The following MAP3K1 variants were observed in gnomAD, a reference collection of about 807,000 sequenced individuals.
The protein encoded by MAP3K1 is MAP/ERK kinase kinase 1.
MAP3K1 carries 36 observed loss-of-function variants against 144.2 expected under a neutral mutation model. The ratio of observed to expected loss-of-function variants is 0.25; its 90% CI spans 0.19 to 0.33. MAP3K1 has a LOEUF of 0.33. Ranked by LOEUF, MAP3K1 falls within the 10% of genes least tolerant of loss-of-function variation. The pLI is 1.00. For missense variants in MAP3K1, 1,650 were observed against 1,881.9 expected, an observed-to-expected ratio of 0.88 and a Z score of 2.28; for synonymous variants, 718 against 688.7, an observed-to-expected ratio of 1.04 and a Z score of -0.67.
chr5:56,873,857 G>T (rs1747935659), intron 9 of MAP3K1, among the ~76,000 whole-genome samples: 1 of 151,890 alleles, frequency 6.6e-6, no homozygotes, highest in Admixed American at 6.6e-5. Flanking sequence ...AATAAAATCT[G>T]CAAAAATATT....
chr5:56,888,755 G>A (rs1484540411), intron 19 of MAP3K1, among the ~76,000 whole-genome samples: 2 of 152,158 alleles, frequency 1.3e-5, no homozygotes, highest in African/African-American at 4.8e-5. Context: ...CACATTCAAG[G>A]TAGGCCAGAC....
At chr5:56,829,246 A>T (rs1746413575) in intron 1 of MAP3K1, among the ~76,000 whole-genome samples, 1 of 151,230 alleles carries the variant, frequency 6.6e-6, no homozygotes, top group South Asian at 2.1e-4. Context: ...CAGTGACATG[A>T]TCATGACTCA....
intron 1 of MAP3K1, among the ~76,000 whole-genome samples, chr5:56,844,422 G>T (rs1253388146): frequency 6.6e-6 from 1 of 151,762 alleles, no homozygotes; most frequent in African/African-American, 2.4e-5. Flanking sequence ...CTCGTGATCC[G>T]CCCGCCTTGG....
At chr5:56,826,972 A>G (rs1055505620) in intron 1 of MAP3K1, among the ~76,000 whole-genome samples, 1 of 152,214 alleles carries the variant, frequency 6.6e-6, no homozygotes, top group Non-Finnish European at 1.5e-5. Flanking sequence ...GGGAGGCATC[A>G]GGAGGCTTTT....
chr5:56,881,360 G>T (rs1748200975), intron 13 of MAP3K1, 88 bp downstream of exon 13: 4 of 1,219,122 alleles, frequency 3.3e-6, no homozygotes, highest in East Asian at 4.8e-5. Flanking sequence ...ATTTTTGAAA[G>T]ACTCAGAGCA....
At chr5:56,863,016 C>A (rs1379068343) in intron 3 of MAP3K1, among the ~76,000 whole-genome samples, 2 of 152,196 alleles carry the variant, frequency 1.3e-5, no homozygotes, top group African/African-American at 2.4e-5. Flanking sequence ...TGTTTCTACA[C>A]CTGGAAATGA....
intron 2 of MAP3K1, among the ~76,000 whole-genome samples, chr5:56,857,307 T>C (rs1185110115): frequency 1.3e-5 from 2 of 151,994 alleles, no homozygotes; most frequent in Non-Finnish European, 2.9e-5. Context: ...ATGTGTGGGG[T>C]TTGATGAAAG....
At chr5:56,856,112 T>A (rs549139117) in intron 1 of MAP3K1, among the ~76,000 whole-genome samples, 6 of 152,322 alleles carry the variant, frequency 3.9e-5, no homozygotes, top group South Asian at 2.1e-4. Flanking sequence ...AAATAAAAAT[T>A]TAATCATGTA....
At chr5:56,831,129 C>CGGA (rs1746475199) in intron 1 of MAP3K1, among the ~76,000 whole-genome samples, 2 of 151,168 alleles carry the variant, frequency 1.3e-5, no homozygotes, top group African/African-American at 4.9e-5. Flanking sequence ...TTCTGCATTC[C>CGGA]AGTTCTGTCT....
chr5:56,845,959 T>C (rs1242430422), intron 1 of MAP3K1, among the ~76,000 whole-genome samples: 1 of 152,222 alleles, frequency 6.6e-6, no homozygotes, highest in Non-Finnish European at 1.5e-5. Context: ...CGCAGGGAGA[T>C]AGGTGAAAGA....
chr5:56,867,081 C>CTCAG (rs1458752273), intron 6 of MAP3K1, among the ~76,000 whole-genome samples: 20 of 152,272 alleles, frequency 1.3e-4, no homozygotes, highest in Admixed American at 1.1e-3. Context: ...TTCCTCCCAC[C>CTCAG]TCAGCGTCCC....
intron 6 of MAP3K1, 97 bp from the exon 7 acceptor site, chr5:56,871,813 T>C: frequency 2.8e-6 from 3 of 1,082,370 alleles, no homozygotes; most frequent in Non-Finnish European, 4.2e-6. Context: ...GAATTTCTAA[T>C]GTATTTATAT....
Position 56,882,153 on chromosome 5 carries a change from A to G in MAP3K1, c.2953A>G (p.Thr985Ala). ...CCAATTAATGTTTCCAGCCTTGTCAACCCCTTCTTCTTCTACCCCATCTGT... is the reference window on the plus strand; with the variant it reads ...CCAATTAATGTTTCCAGCCTTGTCAGCCCCTTCTTCTTCTACCCCATCTGT... ...HSQLMFPALS[T>A]PSSSTPSVPA... The change falls in exon 14 of 20, where the codon ACC becomes GCC. Residue 985 changes from threonine (T) to alanine (A), a missense_variant. Transcript: ENST00000399503. 2 of 1,609,544 alleles carry G rather than the reference A, an allele frequency of 1.2e-6. No homozygotes were observed. Among genetic ancestry groups the G allele is most frequent in the Non-Finnish European group, 1.7e-6 (2 of 1,179,920 alleles).
intron 1 of MAP3K1, among the ~76,000 whole-genome samples, chr5:56,821,282 G>A (rs1212733126): frequency 6.6e-6 from 1 of 152,134 alleles, no homozygotes; most frequent in Non-Finnish European, 1.5e-5. Context: ...TCGAGATGTG[G>A]AGATGTTGTA....
intron 1 of MAP3K1, among the ~76,000 whole-genome samples, chr5:56,855,730 G>C (rs1028903001): frequency 1.3e-5 from 2 of 152,124 alleles, no homozygotes; most frequent in African/African-American, 4.8e-5. Context: ...TAGAAAAACT[G>C]TTCTCTAGCT....
At position 56,881,755 on chromosome 5, in the gene MAP3K1, T is replaced by C. The variant is rs199798366; in HGVS notation, c.2555T>C (p.Met852Thr). 1.2e-4 allele frequency: 195 copies of C among 1,614,154 alleles called. 2 individuals carry two copies. In the African/African-American group the frequency reaches 2.4e-3, roughly 20 times the overall value. The stretch of plus-strand genomic sequence containing the variant: ...TCCAGTTCCACTCACTTCACCAGGA[T>C]GCGTCGCCGTTTGATGGCTATTGCA... ...SVSSSTHFTRMRRRLMAIADE... is the reference protein window; with the variant it reads ...SVSSSTHFTRTRRRLMAIADE... The change falls in exon 14 of 20, where the codon ATG becomes ACG. Residue 852 changes from methionine to threonine, a missense_variant. By Grantham distance (81) the Met-to-Thr change is moderately conservative. Transcript: ENST00000399503.
chr5:56,830,379 G>A (rs956991669), intron 1 of MAP3K1, among the ~76,000 whole-genome samples: 1 of 152,006 alleles, frequency 6.6e-6, no homozygotes, highest in Non-Finnish European at 1.5e-5. Context: ...TCTGTTTCTT[G>A]TTTTACTTTC....
chr5:56,835,399 A>G (rs7720911), intron 1 of MAP3K1, among the ~76,000 whole-genome samples: 2,798 of 33,228 alleles, frequency 0.084, 277 homozygotes, highest in African/African-American at 0.24. Flanking sequence ...AGAGGAGACA[A>G]GGAGGCAGGG....
chr5:56,824,560 A>G (rs1290404408), intron 1 of MAP3K1, among the ~76,000 whole-genome samples: 1 of 152,240 alleles, frequency 6.6e-6, no homozygotes, highest in African/African-American at 2.4e-5. Flanking sequence ...GCCACCTAGC[A>G]TTGGTACAAT....
Sources: gnomAD v4.1 joint callset for allele counts (sites outside exome capture counted in the v4.1 genomes callset) on GRCh38, gnomAD v4.1.1 for gene constraint, MANE v1.5 for transcripts, NCBI Gene and HGNC (gene_info 2026-07-23, HGNC 2026-07-21) for gene names.